PCDHGA1: variants seen among roughly 807,000 people sequenced by gnomAD.
PCDHGA1 encodes the protein protocadherin gamma-A1.
In PCDHGA1, 32 loss-of-function variants were observed where a neutral mutation model predicts 58.0. That is an observed-to-expected ratio of 0.55 (90% CI 0.42 to 0.74). The LOEUF is 0.74. Ranked by LOEUF, PCDHGA1 falls within the 30% of genes least tolerant of loss-of-function variation. The pLI is 0.00. For missense variants in PCDHGA1, 1,205 were observed against 1,182.3 expected (o/e 1.02, Z -0.28); for synonymous variants, 498 against 501.1 (o/e 0.99, Z 0.08).
chr5:141,332,975 G>A lies in PCDHGA1; in HGVS notation c.2291G>A (p.Arg764Gln), dbSNP rs748285410. ...GAGGTCTCCCTCACTGCGGACTCGC[G>A]GAAGAGCCACCTGATTTTCCCCCAG... Reference protein sequence around the residue: ...SHEVSLTADSRKSHLIFPQPN... With the variant: ...SHEVSLTADSQKSHLIFPQPN... The change falls in exon 1 of 4, where the codon CGG becomes CAG. Residue 764 changes from arginine to glutamine, a missense_variant. By Grantham distance (43) the Arg-to-Gln change is conservative (BLOSUM62 1). Coordinates refer to ENST00000517417, the MANE Select transcript of PCDHGA1 (RefSeq NM_018912.3). The surrounding 1 kb of genome is among the most constrained non-coding windows in gnomAD (Gnocchi z 4.6). 6.2e-7 allele frequency: 1 copy of A among 1,614,160 alleles called. No individual in the cohort carries two copies. The highest frequency in any genetic ancestry group is 1.3e-5 in the African/African-American group (1 of 75,048).
intron 1 of PCDHGA1, chr5:141,391,383 G>T (rs1344096934): frequency 3.3e-5 from 5 of 150,356 alleles, no homozygotes; most frequent in African/African-American, 9.8e-5. Context: ...CACAATGATA[G>T]CTCCCTCCAG....
At chr5:141,371,158 T>C in intron 1 of PCDHGA1, 1 of 1,614,040 alleles carries the variant, frequency 6.2e-7, no homozygotes, top group Non-Finnish European at 8.5e-7. Context: ...GCAGAGAACC[T>C]GCCCGCTGGC....
chr5:141,397,194 A>G (rs1362793784), intron 1 of PCDHGA1, among the ~76,000 whole-genome samples: 1 of 152,240 alleles, frequency 6.6e-6, no homozygotes, highest in Admixed American at 6.5e-5. Flanking sequence ...GTACTGTAAA[A>G]GATATGACAT....
chr5:141,438,368 G>A (rs1216571092), intron 1 of PCDHGA1, among the ~76,000 whole-genome samples: 2 of 151,558 alleles, frequency 1.3e-5, no homozygotes, highest in African/African-American at 4.8e-5. Context: ...GTCATTGAGG[G>A]CAGATATAAT....
In PCDHGA1 at chr5:141,485,870, C is replaced by A. The variant is rs745737454; in HGVS notation, c.2422-8937C>A. On this transcript the variant is annotated intron_variant, in intron 1 of 3. Coordinates refer to ENST00000517417, the MANE Select transcript of PCDHGA1 (RefSeq NM_018912.3). The surrounding 1 kb of genome is among the most constrained non-coding windows in gnomAD (Gnocchi z 5.7). ...CACCGCAGAGCTCCGGGTATCCGTGCTGGACGTAAACGACAACGCCCCAGC... is the reference window on the plus strand; with the variant it reads ...CACCGCAGAGCTCCGGGTATCCGTGATGGACGTAAACGACAACGCCCCAGC... 1 of 1,614,174 alleles carries A rather than the reference C, an allele frequency of 6.2e-7. No homozygotes were observed. Among genetic ancestry groups the A allele is most frequent in the Non-Finnish European group, 8.5e-7 (1 of 1,180,032 alleles).
rs1562157859 is a variant in PCDHGA1 at position 141,493,022 on chromosome 5, G to GTGCC, written c.2422-1784_2422-1781dup. Among the ~76,000 whole-genome samples, 2 of 152,222 alleles carry GTGCC rather than the reference G, an allele frequency of 1.3e-5. No homozygotes were observed. Among genetic ancestry groups the GTGCC allele is most frequent in the African/African-American group, 4.8e-5 (2 of 41,454 alleles). ...GCTATAGGCTCTGCCAGATGCCAGG[G>GTGCC]TGCCCTTATGTGTGAGGAAACTACA... On this transcript the variant is annotated intron_variant, in intron 1 of 3. Coordinates refer to ENST00000517417, the MANE Select transcript of PCDHGA1 (RefSeq NM_018912.3). The surrounding 1 kb of genome is among the most constrained non-coding windows in gnomAD (Gnocchi z 4.3).
intron 1 of PCDHGA1, chr5:141,385,485 A>G: frequency 7.1e-7 from 1 of 1,418,146 alleles, no homozygotes; most frequent in Admixed American, 3.0e-5. Flanking sequence ...AATATAGAAC[A>G]CATAGGATAT....
chr5:141,459,090 A>G (rs769066156), intron 1 of PCDHGA1, among the ~76,000 whole-genome samples: 4 of 152,218 alleles, frequency 2.6e-5, no homozygotes, highest in Non-Finnish European at 4.4e-5. Flanking sequence ...TTAAAATTAT[A>G]CAGTGCAATG....
chr5:141,418,504 A>T (rs761133198), intron 1 of PCDHGA1: 32 of 1,613,904 alleles, frequency 2.0e-5, no homozygotes, highest in Non-Finnish European at 2.7e-5. Context: ...TGACCGCCTT[A>T]GATGGTGGGG....
At chr5:141,462,896 A>G (rs1280422442) in intron 1 of PCDHGA1, among the ~76,000 whole-genome samples, 1 of 152,142 alleles carries the variant, frequency 6.6e-6, no homozygotes, top group African/African-American at 2.4e-5. Context: ...TTGTTTTGGA[A>G]GGCTATTATG....
intron 1 of PCDHGA1, chr5:141,361,181 T>C: frequency 6.2e-7 from 1 of 1,613,970 alleles, no homozygotes. Flanking sequence ...GAAGTTATTG[T>C]GACTTCAGTA....
chr5:141,369,396 G>A (rs1561544018), intron 1 of PCDHGA1, among the ~76,000 whole-genome samples: 1 of 152,160 alleles, frequency 6.6e-6, no homozygotes, highest in East Asian at 1.9e-4. Context: ...TTGGGCCAGG[G>A]TGGTTCATGA....
At chr5:141,414,421 A>G (rs1250470349) in intron 1 of PCDHGA1, 1 of 1,613,776 alleles carries the variant, frequency 6.2e-7, no homozygotes, top group African/African-American at 1.3e-5. Flanking sequence ...AGCCCTTGAC[A>G]GGGAACAGGT....
chr5:141,365,411 C>T (rs1763897064), intron 1 of PCDHGA1: 1 of 1,613,994 alleles, frequency 6.2e-7, no homozygotes, highest in South Asian at 1.1e-5. Context: ...TGAAGACTGT[C>T]TTCCCGGAAC....
rs146734417 is a variant in PCDHGA1, at chr5:141,431,409, G to T, written c.2422-63398G>T. The T allele has an allele frequency of 1.9e-6, 3 of 1,613,722 alleles. No homozygotes were observed. Among genetic ancestry groups the T allele is most frequent in the Non-Finnish European group, 2.5e-6 (3 of 1,180,048 alleles). On this transcript the variant is annotated intron_variant, in intron 1 of 3. Transcript: ENST00000517417. This position sits in a 1 kb window ranked among gnomAD's most constrained non-coding sequence, Gnocchi z 4.8. Reference sequence around the variant, plus strand: ...CACCTGGTCCTTACGGCCTCCGACGGGGGCGACCCGGTGCGCACAGGCACC... The same window carrying T: ...CACCTGGTCCTTACGGCCTCCGACGTGGGCGACCCGGTGCGCACAGGCACC...
At chr5:141,488,439 C>G (rs2099675441) in intron 1 of PCDHGA1, among the ~76,000 whole-genome samples, 1 of 152,206 alleles carries the variant, frequency 6.6e-6, no homozygotes, top group African/African-American at 2.4e-5. Context: ...TCTGACCACC[C>G]TCCTGGGTGA....
chr5:141,331,553 A>C lies in PCDHGA1; in HGVS notation c.869A>C (p.Gln290Pro), dbSNP rs531329555. The C allele has an allele frequency of 6.2e-7, 1 of 1,614,198 alleles. No individual in the cohort carries two copies. The highest frequency in any genetic ancestry group is 1.1e-5 in the South Asian group (1 of 91,090). ...CACAATGTAGACCACAGAGTGGCCC[A>C]AATATTTCGTTTAGATTCTTACACA... ...SFHNVDHRVAQIFRLDSYTGE... is the reference protein window; with the variant it reads ...SFHNVDHRVAPIFRLDSYTGE... Residue 290 changes from glutamine to proline, a missense_variant, in exon 1 of 4, where the codon CAA (glutamine) becomes CCA (proline). By Grantham distance (76) the Gln-to-Pro change is moderately conservative. Coordinates refer to ENST00000517417, the MANE Select transcript of PCDHGA1 (RefSeq NM_018912.3).
intron 1 of PCDHGA1, chr5:141,423,623 C>T (rs1391650851): frequency 6.2e-7 from 1 of 1,607,330 alleles, no homozygotes; most frequent in South Asian, 1.1e-5. Context: ...GAAGACTCAG[C>T]TATCATTTTA....
At position 141,485,576 on chromosome 5, in the gene PCDHGA1, C is replaced by A; in HGVS notation, c.2422-9231C>A. 1 of 1,612,412 alleles carries A rather than the reference C, an allele frequency of 6.2e-7. No individual in the cohort carries two copies. The highest frequency in any genetic ancestry group is 8.5e-7 in the Non-Finnish European group (1 of 1,178,628). On this transcript the variant is annotated intron_variant, in intron 1 of 3. Transcript: ENST00000517417. The surrounding 1 kb of genome is among the most constrained non-coding windows in gnomAD (Gnocchi z 5.7). ...GAATGATCACGCCCCCCGTTTTCCGCGGCAGCAGCTGGACTTGGAAATTGG... is the reference window on the plus strand; with the variant it reads ...GAATGATCACGCCCCCCGTTTTCCGAGGCAGCAGCTGGACTTGGAAATTGG...
Sources: gnomAD v4.1 joint callset for allele counts (sites outside exome capture counted in the v4.1 genomes callset) on GRCh38, gnomAD v4.1.1 for gene constraint, Gnocchi (gnomAD v3.1) non-coding constraint, MANE v1.5 for transcripts, NCBI Gene and HGNC (gene_info 2026-07-23, HGNC 2026-07-21) for gene names.